Variants in DACT2 observed in about 807,000 individuals in gnomAD.
DACT2 encodes the protein dapper homolog 2.
Under a neutral mutation model 22.2 loss-of-function variants are expected in DACT2, and 20 were observed. That is an observed-to-expected ratio of 0.90 (90% CI 0.63 to 1.31). The LOEUF (loss-of-function observed/expected upper bound fraction) is 1.31, where lower values mean the gene tolerates loss of function less well. Ranked by LOEUF, DACT2 falls within the 50% of genes most tolerant of loss-of-function variation. The pLI is 0.00. For missense variants in DACT2, 1,048 were observed against 1,061.4 expected (o/e 0.99, Z 0.18); for synonymous variants, 463 against 479.8 (o/e 0.96, Z 0.46).
chr6:168,319,371 C>A lies in DACT2; in HGVS notation c.246+17G>T. On this transcript the variant is annotated intron_variant, in intron 1 of 3. Transcript: ENST00000366795. ...CCGCACACCTCGCAGCCCCGAGTCC[C>A]GGCGCCCGGTCCTTACCAGCTGCTC... 8.4e-7 allele frequency: 1 copy of A among 1,197,226 alleles called. No homozygotes were observed. The highest frequency in any genetic ancestry group is 1.0e-6 in the Non-Finnish European group (1 of 965,818). The allele number at this position is 1,197,226 out of a possible 1,614,324, so 74.2% of individuals were successfully genotyped here.
At chr6:168,310,038 C>T in intron 3 of DACT2, 130 bp downstream of exon 3, 1 of 1,395,702 alleles carries the variant, frequency 7.2e-7, no homozygotes, top group South Asian at 1.6e-5. Flanking sequence ...CGGAGGCCTT[C>T]CAGCGTCCCT....
At chr6:168,318,359 G>C (rs1779565052) in intron 1 of DACT2, among the ~76,000 whole-genome samples, 1 of 152,254 alleles carries the variant, frequency 6.6e-6, no homozygotes, top group Non-Finnish European at 1.5e-5. Flanking sequence ...AGGCGTCCCA[G>C]ACACTGGACT....
At chr6:168,313,990 C>A (rs1238472160) in intron 1 of DACT2, among the ~76,000 whole-genome samples, 3 of 151,272 alleles carry the variant, frequency 2.0e-5, no homozygotes, top group African/African-American at 7.3e-5. Context: ...TCAGGATTCA[C>A]GCCGCGCTTG....
chr6:168,307,260 C>T lies in DACT2; in HGVS notation c.*172G>A. 1.4e-6 allele frequency: 2 copies of T among 1,424,196 alleles called. No homozygotes were observed. Among genetic ancestry groups the T allele is most frequent in the East Asian group, 2.6e-5 (1 of 39,110 alleles). The allele number at this position is 1,424,196 out of a possible 1,614,324, so 88.2% of individuals were successfully genotyped here. ...ATGGAAGTCTTTGCTGGGGCGGGGA[C>T]TCACGGCCATACTCCACAGGGCAGA... On this transcript the variant is annotated 3_prime_UTR_variant, in exon 4 of 4. Coordinates refer to ENST00000366795, the MANE Select transcript of DACT2 (RefSeq NM_214462.5). This position sits in a 1 kb window ranked among gnomAD's most constrained non-coding sequence, Gnocchi z 5.3.
chr6:168,308,370 G>A lies in DACT2; in HGVS notation c.1387C>T (p.Pro463Ser). The A allele has an allele frequency of 6.4e-7, 1 of 1,551,916 alleles. No homozygotes were observed. Among genetic ancestry groups the A allele is most frequent in the South Asian group, 1.2e-5 (1 of 84,068 alleles). ...QDYGRGNIIS[P>S]SRMLDKSPSP... ...GGGCTCTTGTCCAGCATCCTGGATG[G>A]GGATATGATGTTGCCTCGTCCATAG... The change falls in exon 4 of 4, where the codon CCA becomes TCA. Residue 463 changes from proline to serine, a missense_variant. Physicochemically the swap from Pro to Ser is moderately conservative, Grantham distance 74 (BLOSUM62 -1). Coordinates refer to ENST00000366795, the MANE Select transcript of DACT2 (RefSeq NM_214462.5).
Position 168,308,406 on chromosome 6 carries a change from A to C in DACT2, c.1351T>G (p.Ser451Ala). The C allele has an allele frequency of 6.4e-7, 1 of 1,551,712 alleles. No homozygotes were observed. The highest frequency in any genetic ancestry group is 8.7e-7 in the Non-Finnish European group (1 of 1,146,986). Reference protein sequence around the residue: ...SPSSKAQQTPSAQDYGRGNII... With the variant: ...SPSSKAQQTPAAQDYGRGNII... The stretch of plus-strand genomic sequence containing the variant: ...TTGCCTCGTCCATAGTCCTGAGCTG[A>C]GGGTGTCTGCTGGGCCTTTGAGCTG... The change falls in exon 4 of 4, where the codon TCA (serine) becomes GCA (alanine). Residue 451 changes from serine to alanine, a missense_variant. By Grantham distance (99) the Ser-to-Ala change is moderately conservative. Coordinates refer to ENST00000366795, the MANE Select transcript of DACT2 (RefSeq NM_214462.5).
rs541928351 is a variant in DACT2, at chr6:168,309,144, T to C, written c.659-46A>G. Reference sequence around the variant, plus strand: ...CAAACACGTAACTACGGAGACGATTTAGTGCACTGTTGATTTCATTTCATG... The same window carrying C: ...CAAACACGTAACTACGGAGACGATTCAGTGCACTGTTGATTTCATTTCATG... On this transcript the variant is annotated intron_variant, in intron 3 of 3. Coordinates refer to ENST00000366795, the MANE Select transcript of DACT2 (RefSeq NM_214462.5). 1.3e-4 allele frequency: 196 copies of C among 1,461,926 alleles called. No individual in the cohort carries two copies. In the African/African-American group the frequency reaches 2.5e-3, roughly 19 times the overall value. The allele number at this position is 1,461,926 out of a possible 1,614,324, so 90.6% of individuals were successfully genotyped here.
chr6:168,316,443 G>A (rs551476453), intron 1 of DACT2, among the ~76,000 whole-genome samples: 2 of 68,646 alleles, frequency 2.9e-5, no homozygotes, highest in Non-Finnish European at 5.4e-5. Context: ...ATTGTGTCTG[G>A]TGCAAACACA....
chr6:168,301,658 T>C (rs1779107473), intron 3 of DACT2, among the ~76,000 whole-genome samples: 1 of 152,336 alleles, frequency 6.6e-6, no homozygotes, highest in East Asian at 1.9e-4. Flanking sequence ...ATTAGAGCTG[T>C]GGTGTCCCCA....
rs1271385254 is a variant in DACT2, at chr6:168,308,871, G to A, written c.886C>T (p.Pro296Ser). The change falls in exon 4 of 4, where the codon CCA becomes TCA. Residue 296 changes from proline (P) to serine (S), a missense_variant. By Grantham distance (74) the Pro-to-Ser change is moderately conservative. Coordinates refer to ENST00000366795, the MANE Select transcript of DACT2 (RefSeq NM_214462.5). ...SPLFVLTKET[P>S]QRGGPSFPRE... ...GGGAACGAGGGGCCACCTCTCTGTG[G>A]GGTTTCCTTAGTCAGGACAAACAGG... is the stretch of plus-strand genomic sequence containing the variant. The A allele has an allele frequency of 1.1e-5, 17 of 1,550,912 alleles. No individual in the cohort carries two copies. In the African/African-American group the frequency reaches 1.5e-4, roughly 14 times the overall value.
At position 168,308,081 on chromosome 6, in the gene DACT2, C is replaced by G. The variant is rs777510724; in HGVS notation, c.1676G>C (p.Arg559Pro). 6.5e-7 allele frequency: 1 copy of G among 1,544,054 alleles called. No homozygotes were observed. The highest frequency in any genetic ancestry group is 8.7e-7 in the Non-Finnish European group (1 of 1,142,922). ...RPALAWEAPG[R>P]SCSESTLYPM... ...GTAGAGGGTGGACTCAGAACAGGAG[C>G]GCCCGGGTGCCTCCCAGGCCAGGGC... Residue 559 changes from arginine to proline, a missense_variant, in exon 4 of 4, where the codon CGC (arginine) becomes CCC (proline). Arg to Pro is a moderately radical substitution (Grantham distance 103). Coordinates refer to ENST00000366795, the MANE Select transcript of DACT2 (RefSeq NM_214462.5).
chr6:168,314,926 A>C (rs1276257485), intron 1 of DACT2, among the ~76,000 whole-genome samples: 1 of 152,182 alleles, frequency 6.6e-6, no homozygotes, highest in Admixed American at 6.5e-5. Flanking sequence ...GGAGCACTGA[A>C]GTCTTGCAGG....
chr6:168,295,995 T>C (rs1437423550), intron 3 of DACT2, among the ~76,000 whole-genome samples: 2 of 151,564 alleles, frequency 1.3e-5, no homozygotes, highest in Non-Finnish European at 2.9e-5. Flanking sequence ...GGTGAGGAGA[T>C]GGTCATGGAG....
downstream of DACT2, among the ~76,000 whole-genome samples, chr6:168,306,699 C>T (rs1490882043): frequency 6.6e-6 from 1 of 152,038 alleles, no homozygotes; most frequent in Non-Finnish European, 1.5e-5. Context: ...ATCCACCCGC[C>T]TTGTCTTCCC....
intron 3 of DACT2, among the ~76,000 whole-genome samples, chr6:168,295,282 C>T (rs1778989456): frequency 6.6e-6 from 1 of 152,302 alleles, no homozygotes; most frequent in South Asian, 2.1e-4. Context: ...TAACCTTTGG[C>T]TGCTTAAATT....
chr6:168,316,198 C>A (rs1291122697), intron 1 of DACT2, among the ~76,000 whole-genome samples: 1 of 152,282 alleles, frequency 6.6e-6, no homozygotes, highest in East Asian at 1.9e-4. Context: ...CCAAGTTAAT[C>A]ATCACCTGCA....
downstream of DACT2, chr6:168,302,168 C>T (rs1387874213): frequency 6.6e-6 from 1 of 152,308 alleles, no homozygotes; most frequent in Admixed American, 6.5e-5. Context: ...TATTGATTAG[C>T]CAGCTTGTCT....
rs1332557376 is a variant in DACT2 at position 168,319,553 on chromosome 6, C to T, written c.81G>A (p.Ala27=). 1.5e-6 allele frequency: 2 copies of T among 1,376,940 alleles called. No homozygotes were observed. The highest frequency in any genetic ancestry group is 1.9e-6 in the Non-Finnish European group (2 of 1,057,142). 85.3% of individuals were successfully genotyped at this position (1,376,940 alleles called of 1,614,324 possible). A position where few individuals can be genotyped will look rare whatever the true frequency, so the allele number is the denominator to read the frequency against. ...GCAGCCCCTGCAGCTCCTGCAGCCC[C>T]GCGAACGCCGCGCGCAACCTCGCGC... ...RLGARLRAAF[A]GLQELQGLRA... The change falls in exon 1 of 4, where the codon GCG becomes GCA. Residue 27 remains alanine, a synonymous_variant. Transcript: ENST00000366795.
chr6:168,311,521 AACAC>A (rs750627035), intron 1 of DACT2, among the ~76,000 whole-genome samples: 7 of 56,044 alleles, frequency 1.2e-4, no homozygotes, highest in African/African-American at 2.5e-4. Flanking sequence ...CACACACACA[AACAC>A]ACACACACAC....
Sources: allele counts gnomAD v4.1 joint callset (sites outside exome capture counted in the v4.1 genomes callset), GRCh38; gene constraint gnomAD v4.1.1; non-coding constraint Gnocchi (gnomAD v3.1); transcripts MANE v1.5; gene names NCBI Gene and HGNC (gene_info 2026-07-23, HGNC 2026-07-21).